TPR: variants seen among roughly 807,000 people sequenced by gnomAD.
The protein encoded by TPR is translocated promoter region, nuclear basket protein.
In TPR, 51 loss-of-function variants were observed where a neutral mutation model predicts 316.1. That is an observed-to-expected ratio of 0.16 (90% CI 0.13 to 0.20). The LOEUF is 0.20. Among genes scored for constraint, TPR ranks in the 10% least tolerant of loss-of-function variants. The pLI is 1.00. For missense variants in TPR, 2,272 were observed against 2,754.8 expected, an observed-to-expected ratio of 0.82 and a Z score of 3.92; for synonymous variants, 981 against 914.7, an observed-to-expected ratio of 1.07 and a Z score of -1.31.
chr1:186,361,879 A>T lies in TPR; in HGVS notation c.790-10T>A, dbSNP rs1355633076. 6.2e-7 allele frequency: 1 copy of T among 1,611,948 alleles called. No homozygotes were observed. The highest frequency in any genetic ancestry group is 1.1e-5 in the South Asian group (1 of 90,942). The stretch of plus-strand genomic sequence containing the variant: ...CCTGTTGTTCCTTGGCCTGAAAAAA[A>T]TAGCCCAATTATAGCAGTCTACTTT... On this transcript the variant is annotated splice_polypyrimidine_tract_variant and intron_variant, in intron 7 of 50. Transcript: ENST00000367478.
At chr1:186,318,373 T>A in intron 48 of TPR, 74 bp downstream of exon 48, 8 of 1,520,128 alleles carry the variant, frequency 5.3e-6, no homozygotes, top group Non-Finnish European at 7.0e-6. Flanking sequence ...GCAGATTGTT[T>A]CTTGGCTAAA....
At chr1:186,370,040 T>G (rs1241997537) in intron 3 of TPR, among the ~76,000 whole-genome samples, 2 of 152,160 alleles carry the variant, frequency 1.3e-5, no homozygotes, top group African/African-American at 4.8e-5. Context: ...CCGTATTGGG[T>G]TTTATTTCTG....
At position 186,338,159 on chromosome 1, in the gene TPR, G is replaced by A. The variant is rs779345022; in HGVS notation, c.4236C>T (p.Thr1412=). The change falls in exon 31 of 51, where the codon ACC becomes ACT. Residue 1412 remains threonine (T), a synonymous_variant. Transcript: ENST00000367478. ...DLNKVRTEKE[T]IQKDLDAKII... ...TTTTGGCATCTAAGTCCTTCTGGATGGTTTCCTTTTCAGTTCTTACTTTAT... is the reference window on the plus strand; with the variant it reads ...TTTTGGCATCTAAGTCCTTCTGGATAGTTTCCTTTTCAGTTCTTACTTTAT... 129 of 1,612,586 alleles carry A rather than the reference G, an allele frequency of 8.0e-5. No homozygotes were observed. The highest frequency in any genetic ancestry group is 1.1e-4 in the Non-Finnish European group (124 of 1,179,468).
Position 186,353,541 on chromosome 1 carries a change from A to G in TPR, c.2334+147T>C, listed in dbSNP as rs868640163. The G allele has an allele frequency of 1.3e-5, 10 of 793,560 alleles. No homozygotes were observed. In the Middle Eastern group the frequency reaches 1.7e-3, roughly 132 times the overall value. 49.2% of individuals were successfully genotyped at this position (793,560 alleles called of 1,614,324 possible). A position where few individuals can be genotyped will look rare whatever the true frequency, so the allele number is the denominator to read the frequency against. On this transcript the variant is annotated intron_variant, in intron 18 of 50. Coordinates refer to ENST00000367478, the MANE Select transcript of TPR (RefSeq NM_003292.3). ...ATCACCCCACTAACGCACACTGGCT[A>G]TTTGCAAACTATGTATTAATTACTT...
chr1:186,329,495 C>T (rs1413692687), intron 39 of TPR, among the ~76,000 whole-genome samples: 1 of 152,078 alleles, frequency 6.6e-6, no homozygotes, highest in Non-Finnish European at 1.5e-5. Context: ...TACACACAGC[C>T]TGAAGTTTAT....
At chr1:186,351,819 A>G (rs1658869997) in intron 19 of TPR, 157 bp downstream of exon 19, 6 of 801,314 alleles carry the variant, frequency 7.5e-6, no homozygotes, top group Non-Finnish European at 1.1e-5. Flanking sequence ...TATTTTATTT[A>G]AAATATTTAA....
chr1:186,355,289 A>G, intron 17 of TPR, 121 bp downstream of exon 17: 1 of 1,039,592 alleles, frequency 9.6e-7, no homozygotes, highest in Admixed American at 2.6e-5. Flanking sequence ...AGAGGTTCTC[A>G]TTCTGGAACA....
At chr1:186,367,125 G>A (rs1227708188) in intron 4 of TPR, among the ~76,000 whole-genome samples, 1 of 134,996 alleles carries the variant, frequency 7.4e-6, no homozygotes, top group Non-Finnish European at 1.5e-5. Flanking sequence ...GGAGTGCAGT[G>A]ACGCAATCTT....
intron 38 of TPR, among the ~76,000 whole-genome samples, chr1:186,331,932 G>A (rs1371288780): frequency 1.3e-5 from 2 of 152,026 alleles, no homozygotes; most frequent in East Asian, 1.9e-4. Flanking sequence ...TAGAAACTTC[G>A]AGATGAAATT....
At chr1:186,353,911 A>G in intron 17 of TPR, 61 bp from the exon 18 acceptor site, 1 of 1,520,226 alleles carries the variant, frequency 6.6e-7, no homozygotes, top group Non-Finnish European at 8.9e-7. Context: ...AATCCCTTGA[A>G]GAAATTTCAC....
chr1:186,326,761 G>A (rs1024632573), intron 40 of TPR, among the ~76,000 whole-genome samples: 1 of 149,278 alleles, frequency 6.7e-6, no homozygotes, highest in Non-Finnish European at 1.5e-5. Context: ...TTTTATCTCC[G>A]GAAACCATAG....
In TPR at chr1:186,354,119, T is replaced by G. The variant is rs994812023; in HGVS notation, c.2172-269A>C. On this transcript the variant is annotated intron_variant, in intron 17 of 50. Transcript: ENST00000367478. ...TGCTTATGTAAAATTAAATGAGCGC[T>G]GGCAGCAAGCTGCACTTTTTTTTTT... Among the ~76,000 whole-genome samples, 4 of 152,300 alleles carry G rather than the reference T, an allele frequency of 2.6e-5. No individual in the cohort carries two copies. In the East Asian group the frequency reaches 5.8e-4, roughly 22 times the overall value.
At chr1:186,345,102 G>A (rs1359807882) in intron 24 of TPR, among the ~76,000 whole-genome samples, 1 of 135,112 alleles carries the variant, frequency 7.4e-6, no homozygotes, top group Admixed American at 7.6e-5. Flanking sequence ...ATTATAAAAA[G>A]CTTCAATACT....
intron 39 of TPR, among the ~76,000 whole-genome samples, chr1:186,330,114 T>C (rs891798307): frequency 2.6e-5 from 4 of 152,158 alleles, no homozygotes; most frequent in Admixed American, 1.3e-4. Context: ...TCATACATTG[T>C]GATTTGAGAG....
chr1:186,339,830 T>C (rs1378969059), intron 29 of TPR, 58 bp from the exon 30 acceptor site: 2 of 1,427,520 alleles, frequency 1.4e-6, no homozygotes, highest in Admixed American at 2.3e-5. Flanking sequence ...AAATGTGCTA[T>C]AATAAAATGG....
Position 186,357,426 on chromosome 1 carries a change from T to C in TPR, c.1695A>G (p.Glu565=). 1 of 1,614,060 alleles carries C rather than the reference T, an allele frequency of 6.2e-7. No individual in the cohort carries two copies. Among genetic ancestry groups the C allele is most frequent in the Non-Finnish European group, 8.5e-7 (1 of 1,180,010 alleles). ...VALRELGETR[E]REEQETTSSK... ...ATGAAGTTGTTTCTTGTTCTTCTCTTTCTCTGGTTTCCCCAAGCTCTCTAA... is the reference window on the plus strand; with the variant it reads ...ATGAAGTTGTTTCTTGTTCTTCTCTCTCTCTGGTTTCCCCAAGCTCTCTAA... The change falls in exon 14 of 51, where the codon GAA becomes GAG. Residue 565 remains glutamate, a synonymous_variant. Coordinates refer to ENST00000367478, the MANE Select transcript of TPR (RefSeq NM_003292.3).
At position 186,313,835 on chromosome 1, in the gene TPR, T is replaced by C. The variant is rs1657464520; in HGVS notation, c.*136A>G. 1 of 1,499,888 alleles carries C rather than the reference T, an allele frequency of 6.7e-7. No individual in the cohort carries two copies. Among genetic ancestry groups the C allele is most frequent in the East Asian group, 2.3e-5 (1 of 44,202 alleles). The allele number at this position is 1,499,888 out of a possible 1,614,324, so 92.9% of individuals were successfully genotyped here. ...AGAAATGAATAATAAATTTTGACAC[T>C]GAAAAACATTTTATTAATAAAGAAT... On this transcript the variant is annotated 3_prime_UTR_variant, in exon 51 of 51. Transcript: ENST00000367478.
At chr1:186,351,955 A>T (rs749896295) in intron 19 of TPR, 21 bp downstream of exon 19, 5 of 1,574,366 alleles carry the variant, frequency 3.2e-6, no homozygotes, top group Non-Finnish European at 4.3e-6. Context: ...TTTTTTCTAC[A>T]TAGGCTTTTT....
chr1:186,334,532 C>T lies in TPR; in HGVS notation c.4975G>A (p.Ala1659Thr), dbSNP rs1204178160. 8.7e-6 allele frequency: 14 copies of T among 1,609,708 alleles called. No individual in the cohort carries two copies. The highest frequency in any genetic ancestry group is 1.2e-5 in the Non-Finnish European group (14 of 1,177,704). The stretch of plus-strand genomic sequence containing the variant: ...GCTGTTGGTGGGTCTGATGTGCTGG[C>T]ACTTATAGAGGAGAAAATGGAAGAA... ...TTPASGERGI[A>T]STSDPPTANI... The change falls in exon 36 of 51, where the codon GCC becomes ACC. Residue 1659 changes from alanine to threonine, a missense_variant and splice_region_variant. Around this residue, in one of 10 missense-constraint regions of TPR, gnomAD observed 109 missense variants for 215.3 expected, o/e 0.51. Transcript: ENST00000367478.
Sources: gnomAD v4.1 joint callset for allele counts (sites outside exome capture counted in the v4.1 genomes callset) on GRCh38, gnomAD v4.1.1 for gene constraint, gnomAD v4.1.1 regional missense constraint, MANE v1.5 for transcripts, NCBI Gene and HGNC (gene_info 2026-07-23, HGNC 2026-07-21) for gene names.